The following TDRP variants were observed in gnomAD, a reference collection of about 807,000 sequenced individuals.
TDRP encodes testis development related protein, also known as testis development-related protein.
A neutral mutation model predicts 10.5 loss-of-function variants in TDRP; 12 were observed. The observed-to-expected ratio is 1.15, with a 90% confidence interval of 0.73 to 1.86. TDRP has a LOEUF of 1.86. TDRP is among the 40% of genes most tolerant of loss of function. The pLI is 0.00. For missense variants in TDRP, 353 were observed against 229.2 expected (o/e 1.54, Z -3.49); for synonymous variants, 139 against 95.4 (o/e 1.46, Z -2.67).
At chr8:497,796 G>A (rs1563116442) in intron 1 of TDRP, among the ~76,000 whole-genome samples, 1 of 152,182 alleles carries the variant, frequency 6.6e-6, no homozygotes, top group Non-Finnish European at 1.5e-5. Context: ...CAGGCCCAGG[G>A]TCCTGCTTCA....
chr8:524,823 C>T (rs78256800), intron 1 of TDRP, among the ~76,000 whole-genome samples: 11,921 of 151,978 alleles, frequency 0.078, 695 homozygotes, highest in African/African-American at 0.17. Context: ...AGAAAATAGC[C>T]TCAAAAAGGC....
Position 492,081 on chromosome 8 carries a change from C to A in TDRP, c.*318G>T. 1 of 1,165,668 alleles carries A rather than the reference C, an allele frequency of 8.6e-7. No homozygotes were observed. The highest frequency in any genetic ancestry group is 1.1e-6 in the Non-Finnish European group (1 of 946,666). 72.2% of individuals were successfully genotyped at this position (1,165,668 alleles called of 1,614,324 possible). The stretch of plus-strand genomic sequence containing the variant: ...CTACAACACAGAGCAGCATGAAAAT[C>A]ATTTTGTGAGAAACTGCAAATCATT... On this transcript the variant is annotated 3_prime_UTR_variant, in exon 3 of 3. Coordinates refer to ENST00000324079, the MANE Select transcript of TDRP (RefSeq NM_001384899.1).
chr8:518,173 G>C (rs554422906), intron 1 of TDRP, among the ~76,000 whole-genome samples: 3 of 152,308 alleles, frequency 2.0e-5, no homozygotes, highest in South Asian at 4.2e-4. Flanking sequence ...GCACCGCTCT[G>C]GAGAGGGATG....
Position 494,502 on chromosome 8 carries a change from C to T in TDRP, c.204G>A (p.Lys68=). The T allele has an allele frequency of 6.2e-7, 1 of 1,613,822 alleles. No individual in the cohort carries two copies. Among genetic ancestry groups the T allele is most frequent in the Non-Finnish European group, 8.5e-7 (1 of 1,179,770 alleles). ...QHLLERCKSP[K]SKGTNLRLKE... is the part of the protein sequence containing the mutation. The stretch of plus-strand genomic sequence containing the variant: ...ACACAGTTATGACTTACCCTTTGGA[C>T]TTGGGAGATTTACATCTTTCCAGGA... Residue 68 remains lysine (K), a synonymous_variant, in exon 2 of 3, where the codon AAG becomes AAA. Transcript: ENST00000324079.
intron 1 of TDRP, among the ~76,000 whole-genome samples, chr8:531,857 C>A (rs1299489485): frequency 6.6e-6 from 1 of 152,002 alleles, no homozygotes; most frequent in East Asian, 1.9e-4. Context: ...TGAATCACAC[C>A]ACATATTATT....
At chr8:495,304 T>C (rs1290647210) in intron 1 of TDRP, among the ~76,000 whole-genome samples, 2 of 151,992 alleles carry the variant, frequency 1.3e-5, no homozygotes, top group African/African-American at 2.4e-5. Flanking sequence ...TTACAAGAGG[T>C]CCCCTAGAAG....
intron 1 of TDRP, among the ~76,000 whole-genome samples, chr8:540,931 C>G (rs1024754992): frequency 6.6e-6 from 1 of 151,692 alleles, no homozygotes; most frequent in African/African-American, 2.4e-5. Flanking sequence ...GCACGTTTAA[C>G]ATCACACTGA....
intron 1 of TDRP, among the ~76,000 whole-genome samples, chr8:534,452 C>CG (rs1802292817): frequency 6.6e-6 from 1 of 152,276 alleles, no homozygotes; most frequent in African/African-American, 2.4e-5. Flanking sequence ...TCATTCACAC[C>CG]GAACTCTCAG....
At chr8:513,143 T>A (rs1288880876) in intron 1 of TDRP, among the ~76,000 whole-genome samples, 1 of 151,710 alleles carries the variant, frequency 6.6e-6, no homozygotes. Flanking sequence ...AAGGAACATT[T>A]TCTAACTCAT....
chr8:496,208 C>T (rs1238194747), intron 1 of TDRP, among the ~76,000 whole-genome samples: 1 of 152,216 alleles, frequency 6.6e-6, no homozygotes, highest in African/African-American at 2.4e-5. Context: ...ACCGATCACA[C>T]AACCCATGTC....
chr8:503,863 A>G (rs1451898172), intron 1 of TDRP, among the ~76,000 whole-genome samples: 2 of 140,966 alleles, frequency 1.4e-5, no homozygotes, highest in Admixed American at 7.2e-5. Flanking sequence ...CTCTGCACAC[A>G]CCAACACGGA....
upstream of TDRP, chr8:545,592 G>C (rs938740817): frequency 6.6e-6 from 1 of 152,206 alleles, no homozygotes; most frequent in Non-Finnish European, 1.5e-5. Flanking sequence ...AGGGGGCACA[G>C]TCCGCGGAGC....
At chr8:493,692 GT>G (rs1259545628) in intron 2 of TDRP, among the ~76,000 whole-genome samples, 3 of 152,228 alleles carry the variant, frequency 2.0e-5, no homozygotes, top group African/African-American at 7.2e-5. Flanking sequence ...AGCAAGGTCA[GT>G]TTAAATGTAT....
chr8:490,438 G>T lies in TDRP; in HGVS notation c.*1961C>A, dbSNP rs1407388042. 6.6e-6 allele frequency: 1 copy of T among 152,290 alleles called. No homozygotes were observed. The highest frequency in any genetic ancestry group is 2.1e-4 in the South Asian group (1 of 4,830). The allele number at this position is 152,290 out of a possible 1,614,324, so 9.4% of individuals were successfully genotyped here. On this transcript the variant is annotated 3_prime_UTR_variant, in exon 3 of 3. Transcript: ENST00000324079. Reference sequence around the variant, plus strand: ...TGCAGGCACTTAGCGTTCCAACAGAGGCACGGCAACTGCAGCCATCACAGC... The same window carrying T: ...TGCAGGCACTTAGCGTTCCAACAGATGCACGGCAACTGCAGCCATCACAGC...
At chr8:511,294 T>C (rs1252737382) in intron 1 of TDRP, among the ~76,000 whole-genome samples, 1 of 151,840 alleles carries the variant, frequency 6.6e-6, no homozygotes, top group South Asian at 2.1e-4. Flanking sequence ...GAAACAGAGA[T>C]ATGCAAACAG....
chr8:526,245 A>ATC (rs2116839197), intron 1 of TDRP, among the ~76,000 whole-genome samples: 1 of 152,208 alleles, frequency 6.6e-6, no homozygotes, highest in East Asian at 1.9e-4. Flanking sequence ...TGATCTGCCC[A>ATC]TCTCAGCCTA....
chr8:534,514 C>A (rs1394607691), intron 1 of TDRP, among the ~76,000 whole-genome samples: 2 of 152,208 alleles, frequency 1.3e-5, no homozygotes, highest in Non-Finnish European at 2.9e-5. Context: ...GGTGCTCCCT[C>A]CGTAGGGAGT....
rs36060467 is a variant in TDRP at position 513,110 on chromosome 8, CA to C, written c.109-18514del. ...TTAATACCAATTCTTCACACTATTT[CA>C]AAAAAAAAAAAATAGAAGAGCAAGG... On this transcript the variant is annotated intron_variant, in intron 1 of 2. Transcript: ENST00000324079. 3.8e-3 allele frequency among the ~76,000 whole-genome samples: 565 copies of C among 147,100 alleles called. 5 individuals are homozygous for C. The highest frequency in any genetic ancestry group is 0.012 in the African/African-American group (494 of 40,330).
chr8:500,928 C>T (rs13280082), intron 1 of TDRP, among the ~76,000 whole-genome samples: 63,774 of 152,136 alleles, frequency 0.42, 14,010 homozygotes, highest in African/African-American at 0.56. Context: ...ATGAGCAGGC[C>T]GGGCGCGGTG....
Sources: gnomAD v4.1 joint callset for allele counts (sites outside exome capture counted in the v4.1 genomes callset) on GRCh38, gnomAD v4.1.1 for gene constraint, MANE v1.5 for transcripts, NCBI Gene and HGNC (gene_info 2026-07-23, HGNC 2026-07-21) for gene names.